Variants in MYH13 observed in about 807,000 individuals in gnomAD.
The protein encoded by MYH13 is myosin heavy chain 13.
A neutral mutation model predicts 232.1 loss-of-function variants in MYH13; 177 were observed. The ratio of observed to expected loss-of-function variants is 0.76; its 90% CI spans 0.67 to 0.86. MYH13 has a LOEUF of 0.86. MYH13 is among the 40% of genes least tolerant of loss of function. The pLI is 0.00. For synonymous variants in MYH13, 884 were observed against 923.5 expected, an observed-to-expected ratio of 0.96 and a Z score of 0.78; for missense variants, 2,246 against 2,405.9, an observed-to-expected ratio of 0.93 and a Z score of 1.39.
chr17:10,324,525 A>C (rs778413538), intron 22 of MYH13, among the ~76,000 whole-genome samples: 1 of 152,080 alleles, frequency 6.6e-6, no homozygotes, highest in East Asian at 1.9e-4. Context: ...TGCTCACTGC[A>C]ACCTCTGCCT....
intron 22 of MYH13, among the ~76,000 whole-genome samples, chr17:10,327,158 C>T (rs1430556240): frequency 7.8e-6 from 1 of 127,888 alleles, no homozygotes; most frequent in African/African-American, 2.9e-5. Flanking sequence ...CCCGCCACTA[C>T]GCCCGGCTAA....
At chr17:10,329,637 G>A (rs1460084000) in intron 21 of MYH13, among the ~76,000 whole-genome samples, 1 of 152,070 alleles carries the variant, frequency 6.6e-6, no homozygotes, top group Non-Finnish European at 1.5e-5. Context: ...CCTGCTTGTC[G>A]GGCTTCCTCC....
chr17:10,331,659 C>G (rs1907411182), intron 20 of MYH13, among the ~76,000 whole-genome samples: 1 of 152,128 alleles, frequency 6.6e-6, no homozygotes, highest in Admixed American at 6.6e-5. Context: ...GCACTGCAGC[C>G]TCCATCTCCT....
Position 10,301,577 on chromosome 17 carries a change from C to G in MYH13, c.5794G>C (p.Gly1932Arg). The G allele has an allele frequency of 6.2e-7, 1 of 1,614,188 alleles. No individual in the cohort carries two copies. Among genetic ancestry groups the G allele is most frequent in the South Asian group, 1.1e-5 (1 of 91,084 alleles). Reference protein sequence around the residue: ...NKLRAKSRDVGSQKMEE With the variant: ...NKLRAKSRDVRSQKMEE ...CAGGTACCTGCTCTTACCTGGCTGC[C>G]CACGTCTCGGCTCTTGGCCCTCAGC... Residue 1932 changes from glycine (G) to arginine (R), a missense_variant, in exon 40 of 41, where the codon GGC becomes CGC. Coordinates refer to ENST00000252172, the MANE Select transcript of MYH13 (RefSeq NM_003802.3).
intron 21 of MYH13, among the ~76,000 whole-genome samples, chr17:10,329,948 C>T (rs1445736653): frequency 1.3e-5 from 2 of 151,152 alleles, no homozygotes; most frequent in Non-Finnish European, 2.9e-5. Context: ...TGCAGTGAGC[C>T]GAGATTGTGC....
chr17:10,346,673 C>T lies in MYH13; in HGVS notation c.1263+7G>A. The T allele has an allele frequency of 6.2e-7, 1 of 1,600,498 alleles. No individual in the cohort carries two copies. The highest frequency in any genetic ancestry group is 1.3e-5 in the African/African-American group (1 of 74,768). ...TCAATCAACTGGATTCAGAGCATCT[C>T]CATTACCTGCTGGACATTTTGCCCT... On this transcript the variant is annotated splice_region_variant and intron_variant, in intron 13 of 40. Transcript: ENST00000252172.
intron 22 of MYH13, among the ~76,000 whole-genome samples, chr17:10,325,475 G>A (rs975643808): frequency 1.3e-5 from 2 of 152,134 alleles, no homozygotes; most frequent in Non-Finnish European, 2.9e-5. Flanking sequence ...CACCAGGCCT[G>A]GTCCTTTCAA....
chr17:10,329,527 T>A (rs1269126224), intron 21 of MYH13, among the ~76,000 whole-genome samples: 1 of 152,186 alleles, frequency 6.6e-6, no homozygotes, highest in Admixed American at 6.5e-5. Context: ...ACACACCTTC[T>A]ACAGCTCTCC....
chr17:10,308,197 A>G (rs1184729325), intron 35 of MYH13, among the ~76,000 whole-genome samples: 1 of 151,810 alleles, frequency 6.6e-6, no homozygotes, highest in Non-Finnish European at 1.5e-5. Context: ...GGTGACAAGC[A>G]CCTGTAATCC....
chr17:10,367,254 T>C (rs1203583727), intron 2 of MYH13, among the ~76,000 whole-genome samples: 2 of 152,346 alleles, frequency 1.3e-5, no homozygotes, highest in East Asian at 3.9e-4. Context: ...TATCTATTGA[T>C]ATTTACCATA....
At chr17:10,312,513 C>T in intron 31 of MYH13, 61 bp downstream of exon 31, 1 of 1,520,120 alleles carries the variant, frequency 6.6e-7, no homozygotes. Context: ...ATGTAAATAG[C>T]ATTTCCCCAA....
At chr17:10,351,874 G>A (rs373272097) in intron 11 of MYH13, among the ~76,000 whole-genome samples, 3 of 152,188 alleles carry the variant, frequency 2.0e-5, no homozygotes, top group South Asian at 2.1e-4. Context: ...ATGTTTGGAC[G>A]TGTTTGGTGA....
At chr17:10,327,542 T>G (rs1255210013) in intron 22 of MYH13, among the ~76,000 whole-genome samples, 1 of 152,218 alleles carries the variant, frequency 6.6e-6, no homozygotes, top group Non-Finnish European at 1.5e-5. Context: ...TTATTTTTAT[T>G]GATTTTTAAA....
intron 18 of MYH13, among the ~76,000 whole-genome samples, chr17:10,336,374 T>C (rs1043580347): frequency 2.0e-5 from 3 of 152,194 alleles, no homozygotes; most frequent in African/African-American, 7.2e-5. Flanking sequence ...TTTCTCCAAG[T>C]GTATCACTTC....
At chr17:10,326,981 G>GTTTTTTTTTTT (rs61543278) in intron 22 of MYH13, among the ~76,000 whole-genome samples, 1,308 of 55,832 alleles carry the variant, frequency 0.023, 599 homozygotes, top group Middle Eastern at 0.07. Flanking sequence ...ATGCCTACTA[G>GTTTTTTTTTTT]TTTTTTTTTT....
At chr17:10,369,024 A>C (rs2071858848) in intron 2 of MYH13, among the ~76,000 whole-genome samples, 1 of 152,240 alleles carries the variant, frequency 6.6e-6, no homozygotes, top group Admixed American at 6.5e-5. Flanking sequence ...TTCTAAAGCC[A>C]AAACCATGGC....
chr17:10,322,234 T>G (rs1424325241), intron 23 of MYH13, among the ~76,000 whole-genome samples: 1 of 57,566 alleles, frequency 1.7e-5, no homozygotes, highest in East Asian at 3.2e-3. Context: ...CTACTAAAAA[T>G]ACAAAAAAAA....
intron 15 of MYH13, among the ~76,000 whole-genome samples, chr17:10,344,802 CAG>C (rs1419431351): frequency 8.0e-6 from 1 of 124,390 alleles, no homozygotes; most frequent in African/African-American, 3.2e-5. Context: ...GCCTGGGTGA[CAG>C]AGCAAGACTC....
rs758971195 is a variant in MYH13, at chr17:10,360,096, T to C, written c.534-25A>G. The C allele has an allele frequency of 3.7e-6, 6 of 1,613,866 alleles. No individual in the cohort carries two copies. The South Asian group carries it at 6.6e-5, about 18-fold the overall frequency. ...GCTGCCAATTTAAAAGTAAACGGGA[T>C]AAAGGAGAGTGGAAGGGAGGGCACT... On this transcript the variant is annotated intron_variant, in intron 6 of 40. Transcript: ENST00000252172.
Sources: gnomAD v4.1 joint callset for allele counts (sites outside exome capture counted in the v4.1 genomes callset) on GRCh38, gnomAD v4.1.1 for gene constraint, MANE v1.5 for transcripts, NCBI Gene and HGNC (gene_info 2026-07-23, HGNC 2026-07-21) for gene names.